AKR1C8: variants seen among roughly 807,000 people sequenced by gnomAD.
The protein encoded by AKR1C8 is aldo-keto reductase family 1 member C-like protein 1.
At chr10:5,173,085 G>T in the AKR1C8 span, among the ~76,000 whole-genome samples, 1 of 152,062 alleles carries the variant, frequency 6.6e-6, no homozygotes, top group Non-Finnish European at 1.5e-5. Flanking sequence ...TCCAAAATGA[G>T]ATTTGTGTCA....
At chr10:5,143,047 T>C in the AKR1C8 span, among the ~76,000 whole-genome samples, 2 of 152,142 alleles carry the variant, frequency 1.3e-5, no homozygotes, top group African/African-American at 2.4e-5. Flanking sequence ...GCCAACTGGA[T>C]TGGATTAAGC....
At chr10:5,118,939 TAA>T in the AKR1C8 span, among the ~76,000 whole-genome samples, 12 of 150,054 alleles carry the variant, frequency 8.0e-5, no homozygotes, top group South Asian at 2.1e-4. Context: ...TAAATTTCTT[TAA>T]AAAAAAAAAC....
chr10:5,167,270 A>T, the AKR1C8 span, among the ~76,000 whole-genome samples: 110 of 152,214 alleles, frequency 7.2e-4, no homozygotes, highest in Non-Finnish European at 1.4e-3. Context: ...TTGACCCAGC[A>T]ATCCCATTAC....
chr10:5,158,795 A>C, the AKR1C8 span: 3 of 458,054 alleles, frequency 6.5e-6, no homozygotes, highest in African/African-American at 2.0e-5. Context: ...GGAATGTGTA[A>C]TACTACATTA....
the AKR1C8 span, among the ~76,000 whole-genome samples, chr10:5,179,604 TTTCAGGTACACCAATCAGA>T: frequency 0.014 from 2,057 of 150,540 alleles, 50 homozygotes; most frequent in African/African-American, 0.048. Flanking sequence ...TCCCCATCAC[TTTCAGGTACACCAATCAGA>T]CGTAGATTTG....
the AKR1C8 span, among the ~76,000 whole-genome samples, chr10:5,153,784 T>A: frequency 6.6e-6 from 1 of 152,110 alleles, no homozygotes; most frequent in South Asian, 2.1e-4. Flanking sequence ...AGATCCCTCC[T>A]CCAATACTGG....
the AKR1C8 span, among the ~76,000 whole-genome samples, chr10:5,158,201 T>A: frequency 6.6e-6 from 1 of 152,174 alleles, no homozygotes; most frequent in Admixed American, 6.5e-5. Flanking sequence ...AGAAAATAGT[T>A]TCCTAGCAAT....
chr10:5,184,883 C>A, the AKR1C8 span: 1 of 349,676 alleles, frequency 2.9e-6, no homozygotes, highest in African/African-American at 2.1e-5. Context: ...AAGTTAGAGA[C>A]AGTTAAATGA....
the AKR1C8 span, among the ~76,000 whole-genome samples, chr10:5,147,654 C>T: frequency 6.6e-6 from 1 of 152,266 alleles, no homozygotes; most frequent in East Asian, 1.9e-4. Flanking sequence ...ACTTTGTGTC[C>T]TGCATCCTGG....
the AKR1C8 span, among the ~76,000 whole-genome samples, chr10:5,129,164 T>A: frequency 3.3e-5 from 5 of 152,078 alleles, no homozygotes; most frequent in African/African-American, 1.2e-4. Context: ...AATTAAATAA[T>A]CTGCTCTTGA....
At chr10:5,170,600 A>T in the AKR1C8 span, among the ~76,000 whole-genome samples, 4 of 152,110 alleles carry the variant, frequency 2.6e-5, no homozygotes, top group African/African-American at 9.7e-5. Flanking sequence ...TCCCAAGATA[A>T]CTTAGGGTTC....
At chr10:5,140,723 C>G in the AKR1C8 span, among the ~76,000 whole-genome samples, 1 of 151,840 alleles carries the variant, frequency 6.6e-6, no homozygotes, top group Non-Finnish European at 1.5e-5. Flanking sequence ...GTGCTGCAAA[C>G]CAACATGGCA....
chr10:5,155,974 G>A, the AKR1C8 span, among the ~76,000 whole-genome samples: 5 of 151,896 alleles, frequency 3.3e-5, no homozygotes, highest in South Asian at 2.1e-4. Context: ...CTCCTACTGG[G>A]CTCCACTTCT....
At chr10:5,162,307 T>C in the AKR1C8 span, among the ~76,000 whole-genome samples, 1 of 152,134 alleles carries the variant, frequency 6.6e-6, no homozygotes, top group Non-Finnish European at 1.5e-5. Flanking sequence ...GAATCTCTTG[T>C]CCTGTATAAT....
chr10:5,149,861 C>T, the AKR1C8 span, among the ~76,000 whole-genome samples: 12 of 151,284 alleles, frequency 7.9e-5, no homozygotes, highest in Admixed American at 2.0e-4. Context: ...AAGAATTAGG[C>T]GAAGAGAAAA....
chr10:5,123,438 C>T, the AKR1C8 span: 1 of 433,460 alleles, frequency 2.3e-6, no homozygotes, highest in South Asian at 4.1e-5. Flanking sequence ...TTCTGGTCCA[C>T]CCTGGAAGGA....
At chr10:5,184,683 G>T in the AKR1C8 span, among the ~76,000 whole-genome samples, 1 of 152,094 alleles carries the variant, frequency 6.6e-6, no homozygotes, top group Non-Finnish European at 1.5e-5. Context: ...AGTTGTTAAG[G>T]AATTAAATAA....
the AKR1C8 span, among the ~76,000 whole-genome samples, chr10:5,117,132 T>C: frequency 4.8e-5 from 1 of 20,648 alleles, no homozygotes; most frequent in African/African-American, 2.7e-4. Flanking sequence ...GCAGTGAGCT[T>C]TTTTTTTTTT....
chr10:5,163,103 G>T, the AKR1C8 span: 1 of 434,710 alleles, frequency 2.3e-6, no homozygotes, highest in South Asian at 1.8e-5. Context: ...TTTCACTGTC[G>T]GTTTCTGCTG....
Sources: allele counts gnomAD v4.1 joint callset (sites outside exome capture counted in the v4.1 genomes callset), GRCh38; gene constraint gnomAD v4.1.1; transcripts MANE v1.5; gene names NCBI Gene and HGNC (gene_info 2026-07-23, HGNC 2026-07-21).